Variants in LARP1 observed in about 807,000 individuals in gnomAD.
LARP1 encodes the protein la-related protein 1.
A neutral mutation model predicts 122.7 loss-of-function variants in LARP1; 36 were observed. That is an observed-to-expected ratio of 0.29 (90% confidence interval 0.22 to 0.39). The LOEUF (loss-of-function observed/expected upper bound fraction) is 0.39, where lower values mean the gene tolerates loss of function less well. LARP1 is among the 10% of genes least tolerant of loss of function. The pLI, the probability that LARP1 is intolerant of heterozygous loss-of-function variation, is 1.00. For synonymous variants in LARP1, 539 were observed against 528.7 expected (o/e 1.02, Z -0.27); for missense variants, 1,040 against 1,403.6 (o/e 0.74, Z 4.14).
chr5:154,782,115 G>A (rs1756496917), intron 1 of LARP1, among the ~76,000 whole-genome samples: 1 of 152,150 alleles, frequency 6.6e-6, no homozygotes, highest in Non-Finnish European at 1.5e-5. Flanking sequence ...GTGACCTTGG[G>A]CGAGTCCCTT....
intron 1 of LARP1, among the ~76,000 whole-genome samples, chr5:154,722,206 C>G (rs1010288074): frequency 6.6e-6 from 1 of 152,214 alleles, no homozygotes; most frequent in Non-Finnish European, 1.5e-5. Flanking sequence ...TCCGCATGAT[C>G]TGCCTTCAGC....
chr5:154,732,692 ATCT>A (rs1237504715), intron 1 of LARP1, among the ~76,000 whole-genome samples: 16 of 152,152 alleles, frequency 1.1e-4, no homozygotes, highest in African/African-American at 2.7e-4. Context: ...CCTATAGGAA[ATCT>A]TCTTAATTCC....
At chr5:154,752,326 T>C (rs1469415725), upstream of LARP1, among the ~76,000 whole-genome samples, 1 of 152,098 alleles carries the variant, frequency 6.6e-6, no homozygotes, top group Non-Finnish European at 1.5e-5. Context: ...TACTGCAACC[T>C]CCGCCACCTG....
At chr5:154,697,651 A>C (rs1373783410) in intron 1 of LARP1, among the ~76,000 whole-genome samples, 2 of 152,246 alleles carry the variant, frequency 1.3e-5, no homozygotes, top group African/African-American at 4.8e-5. Context: ...ATGTGAAAGA[A>C]GCCAGTCTCA....
intron 8 of LARP1, among the ~76,000 whole-genome samples, chr5:154,798,742 C>T (rs1477162294): frequency 6.6e-6 from 1 of 152,240 alleles, no homozygotes; most frequent in East Asian, 1.9e-4. Context: ...GATCTACCCA[C>T]CTTGACCTCC....
At chr5:154,756,241 A>G (rs1164775689) in intron 1 of LARP1, 48 bp downstream of exon 1, 4 of 1,171,134 alleles carry the variant, frequency 3.4e-6, no homozygotes, top group Admixed American at 8.3e-5. Context: ...TCTTCCGGGG[A>G]CATGGGAGTC....
chr5:154,739,172 C>T (rs1487136288), intron 1 of LARP1, among the ~76,000 whole-genome samples: 3 of 151,770 alleles, frequency 2.0e-5, no homozygotes, highest in East Asian at 3.9e-4. Flanking sequence ...CCCGCCAACA[C>T]GCCCAGCTAA....
chr5:154,703,389 A>G (rs1278509984), intron 1 of LARP1, among the ~76,000 whole-genome samples: 3 of 152,126 alleles, frequency 2.0e-5, no homozygotes, highest in Non-Finnish European at 4.4e-5. Context: ...TGGACTGACC[A>G]ACTGACTGGG....
intron 1 of LARP1, among the ~76,000 whole-genome samples, chr5:154,788,734 CAACTTCCTTAAAAAAAAA>C (rs1276068336): frequency 6.7e-6 from 1 of 149,738 alleles, no homozygotes; most frequent in Non-Finnish European, 1.5e-5. Context: ...CCTACTAGAA[CAACTTCCTTAAAAAAAAA>C]AAAAATTAAG....
In LARP1 at chr5:154,799,943, G is replaced by A. The variant is rs1298047290; in HGVS notation, c.1617G>A (p.Lys539=). The A allele has an allele frequency of 6.2e-7, 1 of 1,614,218 alleles. No individual in the cohort carries two copies. The highest frequency in any genetic ancestry group is 1.1e-5 in the South Asian group (1 of 91,086). The change falls in exon 10 of 19, where the codon AAG becomes AAA. Residue 539 remains lysine (K), a synonymous_variant. Transcript: ENST00000518297. ...AAACAGAGGAGGTCAGCAACCTAAA[G>A]ACACTACCCAAGGGCCTGTCTGCCA... ...PTKTEEVSNL[K]TLPKGLSASL...
chr5:154,698,024 TG>T (rs201000630), intron 1 of LARP1, among the ~76,000 whole-genome samples: 4 of 151,562 alleles, frequency 2.6e-5, no homozygotes, highest in African/African-American at 9.7e-5. Context: ...TGAGGTTGGG[TG>T]GTTTTTTTTT....
At chr5:154,789,962 A>G (rs1757210408) in intron 1 of LARP1, among the ~76,000 whole-genome samples, 1 of 152,204 alleles carries the variant, frequency 6.6e-6, no homozygotes, top group African/African-American at 2.4e-5. Context: ...GCCATGATTC[A>G]GGAGCCCTGA....
At position 154,756,191 on chromosome 5, in the gene LARP1, C is replaced by T. The variant is rs777360014; in HGVS notation, c.434C>T (p.Pro145Leu). The change falls in exon 1 of 19, where the codon CCA (proline) becomes CTA (leucine). Residue 145 changes from proline (P) to leucine (L), a missense_variant and splice_region_variant. Around this residue, in one of 8 missense-constraint regions of LARP1, gnomAD observed 257 missense variants for 273.3 expected, o/e 0.94. Transcript: ENST00000518297. Reference protein sequence around the residue: ...VLTTVNGQSPPEHSAPAKVVR... With the variant: ...VLTTVNGQSPLEHSAPAKVVR... Reference sequence around the variant, plus strand: ...ACCACCGTGAACGGACAGTCCCCCCCAGGTGGGTCTCCCTCCTTGCCCTCC... The same window carrying T: ...ACCACCGTGAACGGACAGTCCCCCCTAGGTGGGTCTCCCTCCTTGCCCTCC... 1 of 1,294,868 alleles carries T rather than the reference C, an allele frequency of 7.7e-7. No individual in the cohort carries two copies. Among genetic ancestry groups the T allele is most frequent in the South Asian group, 1.2e-5 (1 of 81,792 alleles). The allele number at this position is 1,294,868 out of a possible 1,614,324, so 80.2% of individuals were successfully genotyped here.
Position 154,790,350 on chromosome 5 carries a change from G to A in LARP1, c.462G>A (p.Val154=), listed in dbSNP as rs1757244388. The A allele has an allele frequency of 6.2e-7, 1 of 1,613,586 alleles. No individual in the cohort carries two copies. Among genetic ancestry groups the A allele is most frequent in the African/African-American group, 1.3e-5 (1 of 74,928 alleles). ...PPEHSAPAKV[V]RAAVPKQRKG... ...AACACTCTGCTCCAGCCAAGGTGGT[G>A]AGGGCAGCTGTTCCTAAACAGCGCA... The change falls in exon 2 of 19, where the codon GTG becomes GTA. Residue 154 remains valine (V), a synonymous_variant. Transcript: ENST00000518297.
intron 1 of LARP1, among the ~76,000 whole-genome samples, chr5:154,741,579 G>A (rs1475323670): frequency 6.6e-6 from 1 of 152,176 alleles, no homozygotes; most frequent in Non-Finnish European, 1.5e-5. Context: ...GGGTGTTTGT[G>A]TGTGGGTGGG....
In LARP1 at chr5:154,814,455, G is replaced by C. The variant is rs1452290628; in HGVS notation, c.*359G>C. On this transcript the variant is annotated 3_prime_UTR_variant, in exon 19 of 19. Transcript: ENST00000518297. ...CACTCTGCAGCCCTGCCCGAGGCTA[G>C]TAGGCTGCAACCCTGGTCCCCACCC... 1 of 152,952 alleles carries C rather than the reference G, an allele frequency of 6.5e-6. No individual in the cohort carries two copies. Among genetic ancestry groups the C allele is most frequent in the Admixed American group, 6.5e-5 (1 of 15,288 alleles). 9.5% of individuals were successfully genotyped at this position (152,952 alleles called of 1,614,324 possible).
chr5:154,774,929 A>G (rs932737753), intron 1 of LARP1, among the ~76,000 whole-genome samples: 1 of 152,186 alleles, frequency 6.6e-6, no homozygotes, highest in African/African-American at 2.4e-5. Flanking sequence ...TCCTTGAGGA[A>G]AGAAACAGTT....
intron 1 of LARP1, among the ~76,000 whole-genome samples, chr5:154,734,103 G>A (rs984881176): frequency 6.6e-6 from 1 of 151,364 alleles, no homozygotes; most frequent in Non-Finnish European, 1.5e-5. Context: ...GGAGGCAGAG[G>A]TTGCAGTGAG....
intron 1 of LARP1, among the ~76,000 whole-genome samples, chr5:154,784,497 A>G (rs974706865): frequency 7.0e-4 from 107 of 152,334 alleles, no homozygotes; most frequent in African/African-American, 2.6e-3. Flanking sequence ...CAGCCTTTTC[A>G]GATGCCAATC....
Sources: allele counts gnomAD v4.1 joint callset (sites outside exome capture counted in the v4.1 genomes callset), GRCh38; gene constraint gnomAD v4.1.1; regional missense constraint gnomAD v4.1.1; transcripts MANE v1.5; gene names NCBI Gene and HGNC (gene_info 2026-07-23, HGNC 2026-07-21).